Variants in TNRC18 observed in about 807,000 individuals in gnomAD.
TNRC18 encodes trinucleotide repeat-containing gene 18 protein.
Under a neutral mutation model 226.7 loss-of-function variants are expected in TNRC18, and 69 were observed. The observed-to-expected ratio is 0.30, with a 90% CI of 0.25 to 0.37. The LOEUF is 0.37. TNRC18 is among the 10% of genes least tolerant of loss of function. The pLI, the probability that TNRC18 is intolerant of heterozygous loss-of-function variation, is 1.00. For synonymous variants in TNRC18, 2,449 were observed against 1,927.6 expected (o/e 1.27, Z -7.09); for missense variants, 4,754 against 4,256.6 (o/e 1.12, Z -3.25).
At position 5,329,662 on chromosome 7, in the gene TNRC18, G is replaced by A. The variant is rs543201518; in HGVS notation, c.6147+2960C>T. On this transcript the variant is annotated intron_variant, in intron 19 of 29. Coordinates refer to ENST00000430969, the MANE Select transcript of TNRC18 (RefSeq NM_001080495.3). Reference sequence around the variant, plus strand: ...TGTGCCACTGCACTTCAGCCTGGGCGACACAGTGAGACTCCGTCTCAAAAA... The same window carrying A: ...TGTGCCACTGCACTTCAGCCTGGGCAACACAGTGAGACTCCGTCTCAAAAA... Among the ~76,000 whole-genome samples, 103 of 109,034 alleles carry A rather than the reference G, an allele frequency of 9.4e-4. 4 individuals are homozygous for A. The South Asian group carries it at 0.029, about 31-fold the overall frequency. 71.5% of individuals were successfully genotyped at this position (109,034 alleles called of 152,430 possible). A position where few individuals can be genotyped will look rare whatever the true frequency, so the allele number is the denominator to read the frequency against.
chr7:5,367,479 G>C (rs1381475710), intron 11 of TNRC18, among the ~76,000 whole-genome samples: 1 of 151,354 alleles, frequency 6.6e-6, no homozygotes, highest in Non-Finnish European at 1.5e-5. Flanking sequence ...CCAGGCTGGA[G>C]GGCAGTGGTA....
chr7:5,352,878 A>G (rs1791972196), intron 16 of TNRC18, among the ~76,000 whole-genome samples: 1 of 152,132 alleles, frequency 6.6e-6, no homozygotes, highest in Non-Finnish European at 1.5e-5. Context: ...TTCCAGAGAC[A>G]GAGAATAATC....
intron 19 of TNRC18, among the ~76,000 whole-genome samples, chr7:5,330,245 T>A (rs73051981): frequency 0.14 from 21,597 of 152,032 alleles, 1,695 homozygotes; most frequent in Admixed American, 0.21. Context: ...TTCTTTATTT[T>A]GAGACAGAGT....
chr7:5,321,569 A>T (rs979840367), intron 21 of TNRC18, among the ~76,000 whole-genome samples: 1 of 151,936 alleles, frequency 6.6e-6, no homozygotes, highest in African/African-American at 2.4e-5. Flanking sequence ...ATCACCGGAC[A>T]CTCACAGCGA....
intron 5 of TNRC18, among the ~76,000 whole-genome samples, chr7:5,381,011 C>A (rs1036273179): frequency 1.3e-5 from 2 of 152,132 alleles, no homozygotes; most frequent in African/African-American, 4.8e-5. Flanking sequence ...CTGGGCTGCC[C>A]CAAGCCCTCT....
intron 26 of TNRC18, among the ~76,000 whole-genome samples, chr7:5,314,304 C>G (rs1787620953): frequency 6.6e-6 from 1 of 152,204 alleles, no homozygotes; most frequent in South Asian, 2.1e-4. Flanking sequence ...CCTGCTACTT[C>G]TTGAGCAGAA....
rs529296302 is a variant in TNRC18 at position 5,361,377 on chromosome 7, A to G, written c.4661+217T>C. On this transcript the variant is annotated intron_variant, in intron 14 of 29. Coordinates refer to ENST00000430969, the MANE Select transcript of TNRC18 (RefSeq NM_001080495.3). ...AGCGCTGGGTTAGGACACGGGAAAAATCTGTCGCAGGAGCCATCCTCCAGG... is the reference window on the plus strand; with the variant it reads ...AGCGCTGGGTTAGGACACGGGAAAAGTCTGTCGCAGGAGCCATCCTCCAGG... Among the ~76,000 whole-genome samples the G allele has an allele frequency of 2.6e-5, 4 of 152,210 alleles. No individual in the cohort carries two copies. In the South Asian group the frequency reaches 6.2e-4, roughly 24 times the overall value.
Position 5,394,441 on chromosome 7 carries a change from T to G in TNRC18, c.342A>C (p.Glu114Asp). The change falls in exon 3 of 30, where the codon GAA becomes GAC. Residue 114 changes from glutamate (E) to aspartate (D), a missense_variant and splice_region_variant. By Grantham distance (45) the Glu-to-Asp change is conservative. Transcript: ENST00000430969. The surrounding 1 kb of genome is among the most constrained non-coding windows in gnomAD (Gnocchi z 4.5). ...CCCCGACCCCGGCATGTTCCTTACCTTCATGGGCGTGGGCGGCCCACAGCT... is the reference window on the plus strand; with the variant it reads ...CCCCGACCCCGGCATGTTCCTTACCGTCATGGGCGTGGGCGGCCCACAGCT... The part of the protein sequence containing the change: ...MVQLWAAHAH[E>D]GFSHLPSGLY... The G allele has an allele frequency of 6.5e-7, 1 of 1,537,492 alleles. No homozygotes were observed. The highest frequency in any genetic ancestry group is 8.7e-7 in the Non-Finnish European group (1 of 1,143,234).
chr7:5,333,136 G>T (rs1326569140), intron 18 of TNRC18, 87 bp from the exon 19 acceptor site: 2 of 1,447,336 alleles, frequency 1.4e-6, no homozygotes, highest in Non-Finnish European at 1.9e-6. Context: ...TTCCTCCCCG[G>T]CGGGACCTCC....
intron 24 of TNRC18, among the ~76,000 whole-genome samples, chr7:5,319,385 C>CCT (rs1788133016): frequency 6.6e-6 from 1 of 152,122 alleles, no homozygotes; most frequent in African/African-American, 2.4e-5. Flanking sequence ...ATCCATACCC[C>CCT]CTCTCTAGGA....
intron 19 of TNRC18, among the ~76,000 whole-genome samples, chr7:5,329,743 A>T (rs1789317225): frequency 7.9e-6 from 1 of 126,106 alleles, no homozygotes; most frequent in South Asian, 2.9e-4. Context: ...GCAGGGAATG[A>T]TCAATAGAGT....
chr7:5,407,682 G>GTC (rs1781567746), intron 2 of TNRC18, among the ~76,000 whole-genome samples: 1 of 152,246 alleles, frequency 6.6e-6, no homozygotes, highest in South Asian at 2.1e-4. Context: ...GGCGGCCAAG[G>GTC]AGAGGTCAAG....
intron 19 of TNRC18, 139 bp from the exon 20 acceptor site, chr7:5,325,387 T>G (rs1788797214): frequency 1.2e-6 from 1 of 861,502 alleles, no homozygotes; most frequent in Non-Finnish European, 1.7e-6. Flanking sequence ...ACACCCCTTC[T>G]CTCTCTTCCT....
chr7:5,398,093 T>C (rs577023978), intron 2 of TNRC18, among the ~76,000 whole-genome samples: 1 of 152,028 alleles, frequency 6.6e-6, no homozygotes, highest in South Asian at 2.1e-4. Context: ...CTCCAACTCC[T>C]GAGCTCAATC....
At chr7:5,375,498 C>A (rs1399489782) in intron 9 of TNRC18, among the ~76,000 whole-genome samples, 1 of 152,150 alleles carries the variant, frequency 6.6e-6, no homozygotes, top group Non-Finnish European at 1.5e-5. Flanking sequence ...CACAGCCAGG[C>A]CTGGCAGAGC....
intron 18 of TNRC18, among the ~76,000 whole-genome samples, chr7:5,335,027 C>T (rs1357893966): frequency 1.3e-5 from 2 of 152,098 alleles, no homozygotes; most frequent in Admixed American, 6.6e-5. Context: ...AGTGGCCAGG[C>T]ACAGTGGCTC....
At chr7:5,345,936 C>T in intron 17 of TNRC18, 126 bp from the exon 18 acceptor site, 1 of 1,359,750 alleles carries the variant, frequency 7.4e-7, no homozygotes, top group Admixed American at 2.8e-5. Flanking sequence ...CAGGGGGCCG[C>T]TGGGGGTGGA....
chr7:5,412,193 T>C (rs1251050180), intron 2 of TNRC18, among the ~76,000 whole-genome samples: 1 of 56,434 alleles, frequency 1.8e-5, no homozygotes, highest in Admixed American at 2.6e-4. Flanking sequence ...AGCGTCTTAA[T>C]AAAAAAGAGA....
intron 12 of TNRC18, 148 bp from the exon 13 acceptor site, chr7:5,362,181 C>T: frequency 2.1e-6 from 2 of 973,066 alleles, no homozygotes; most frequent in South Asian, 1.6e-5. Flanking sequence ...TGACTGTGGC[C>T]ATGGCCTCAT....
Sources: allele counts gnomAD v4.1 joint callset (sites outside exome capture counted in the v4.1 genomes callset), GRCh38; gene constraint gnomAD v4.1.1; non-coding constraint Gnocchi (gnomAD v3.1); transcripts MANE v1.5; gene names NCBI Gene and HGNC (gene_info 2026-07-23, HGNC 2026-07-21).